The following INPP4B variants were observed in gnomAD, a reference collection of about 807,000 sequenced individuals.
INPP4B encodes inositol polyphosphate-4-phosphatase type II B.
INPP4B carries 55 observed loss-of-function variants against 122.5 expected under a neutral mutation model. The observed-to-expected ratio is 0.45, with a 90% CI of 0.36 to 0.56. INPP4B has a LOEUF of 0.56. Ranked by LOEUF, INPP4B falls within the 20% of genes least tolerant of loss-of-function variation. INPP4B has a pLI of 0.00. For missense variants in INPP4B, 1,000 were observed against 1,097.7 expected, an observed-to-expected ratio of 0.91 and a Z score of 1.26; for synonymous variants, 403 against 388.7, an observed-to-expected ratio of 1.04 and a Z score of -0.43.
intron 15 of INPP4B, among the ~76,000 whole-genome samples, chr4:142,176,633 A>C (rs1040445707): frequency 3.9e-5 from 6 of 152,152 alleles, no homozygotes; most frequent in Non-Finnish European, 7.3e-5. Flanking sequence ...AAATTTTAGC[A>C]GTCACAATAA....
intron 7 of INPP4B, chr4:142,384,103 G>A (rs1795128729): frequency 1.4e-6 from 1 of 701,978 alleles, no homozygotes. Context: ...TCAAATTCTG[G>A]ATGAGTTAGC....
At chr4:142,263,956 T>C (rs941337924) in intron 10 of INPP4B, among the ~76,000 whole-genome samples, 6 of 151,928 alleles carry the variant, frequency 3.9e-5, no homozygotes, top group Non-Finnish European at 8.8e-5. Context: ...GACTGGACTG[T>C]AGTGAGCAAA....
intron 12 of INPP4B, among the ~76,000 whole-genome samples, chr4:142,229,705 G>A (rs1191315800): frequency 6.6e-6 from 1 of 152,154 alleles, no homozygotes; most frequent in African/African-American, 2.4e-5. Flanking sequence ...TGAAGCTAAT[G>A]CATCTCCATG....
chr4:142,032,296 G>T (rs1740746371), intron 25 of INPP4B, among the ~76,000 whole-genome samples: 1 of 152,060 alleles, frequency 6.6e-6, no homozygotes, highest in Non-Finnish European at 1.5e-5. Flanking sequence ...AGGTAGGGAG[G>T]GAAGTGACCT....
At chr4:142,779,641 G>A (rs966946174) in intron 1 of INPP4B, among the ~76,000 whole-genome samples, 1 of 152,056 alleles carries the variant, frequency 6.6e-6, no homozygotes, top group Non-Finnish European at 1.5e-5. Context: ...TAACATAAAA[G>A]GTAGTGGCTA....
chr4:142,330,232 G>A (rs1167668263), intron 7 of INPP4B, among the ~76,000 whole-genome samples: 1 of 152,116 alleles, frequency 6.6e-6, no homozygotes, highest in African/African-American at 2.4e-5. Context: ...AAATAGAAGA[G>A]CCCCTTTAAT....
intron 25 of INPP4B, among the ~76,000 whole-genome samples, chr4:142,076,053 G>A (rs142466702): frequency 4.6e-4 from 70 of 152,110 alleles, no homozygotes; most frequent in African/African-American, 1.6e-3. Flanking sequence ...ACTTGGGAAG[G>A]TGTGGATAAA....
chr4:142,785,120 C>T (rs994769745), intron 1 of INPP4B, among the ~76,000 whole-genome samples: 3 of 151,994 alleles, frequency 2.0e-5, no homozygotes, highest in African/African-American at 7.2e-5. Flanking sequence ...CAGGGAAACT[C>T]GAAGACAACA....
intron 23 of INPP4B, among the ~76,000 whole-genome samples, chr4:142,091,870 G>T (rs1779706000): frequency 6.6e-6 from 1 of 152,118 alleles, no homozygotes; most frequent in African/African-American, 2.4e-5. Flanking sequence ...TAACTGTGTG[G>T]CCAGAAACTG....
chr4:142,241,716 G>A (rs1017504760), intron 11 of INPP4B, among the ~76,000 whole-genome samples: 3 of 152,154 alleles, frequency 2.0e-5, no homozygotes, highest in Admixed American at 1.3e-4. Flanking sequence ...TCATAGGGAT[G>A]GCCTTCTCTT....
intron 7 of INPP4B, among the ~76,000 whole-genome samples, chr4:142,336,123 C>T (rs2646094): frequency 0.67 from 102,718 of 152,194 alleles, 36,818 homozygotes; most frequent in East Asian, 0.84. Context: ...TACCCACTCT[C>T]GGGTTCCCTC....
intron 7 of INPP4B, among the ~76,000 whole-genome samples, chr4:142,323,635 C>T (rs929447317): frequency 2.8e-4 from 42 of 151,874 alleles, no homozygotes; most frequent in African/African-American, 3.6e-4. Flanking sequence ...TTAGTAGAGA[C>T]GGGGTTTCAC....
At chr4:142,338,931 T>C (rs1192590572) in intron 7 of INPP4B, among the ~76,000 whole-genome samples, 1 of 151,952 alleles carries the variant, frequency 6.6e-6, no homozygotes, top group Admixed American at 6.6e-5. Flanking sequence ...ACAGTGTAGG[T>C]CCCAGCAGGA....
At chr4:142,520,790 T>A (rs924677230) in intron 2 of INPP4B, among the ~76,000 whole-genome samples, 5 of 152,006 alleles carry the variant, frequency 3.3e-5, no homozygotes, top group African/African-American at 1.2e-4. Flanking sequence ...CTCCTCAGAT[T>A]ATTTGAAAAT....
At chr4:142,407,663 C>A (rs960257038) in intron 5 of INPP4B, among the ~76,000 whole-genome samples, 28 of 152,000 alleles carry the variant, frequency 1.8e-4, no homozygotes, top group African/African-American at 5.6e-4. Flanking sequence ...GCACTTTTTT[C>A]TTCCTACAGC....
chr4:142,077,606 A>G (rs917436397), intron 25 of INPP4B, among the ~76,000 whole-genome samples: 2 of 151,938 alleles, frequency 1.3e-5, no homozygotes, highest in African/African-American at 4.8e-5. Flanking sequence ...GCTTTCTGCA[A>G]ATGCATTGGG....
At chr4:142,283,236 G>T (rs1233796452) in intron 9 of INPP4B, among the ~76,000 whole-genome samples, 2 of 152,058 alleles carry the variant, frequency 1.3e-5, no homozygotes, top group Non-Finnish European at 2.9e-5. Context: ...GGGTAGCATT[G>T]CAATTTCCTA....
chr4:142,500,542 G>C (rs984659409), intron 2 of INPP4B, among the ~76,000 whole-genome samples: 1 of 152,172 alleles, frequency 6.6e-6, no homozygotes, highest in African/African-American at 2.4e-5. Flanking sequence ...AAAGTAGTGT[G>C]TTCTTTATAA....
intron 3 of INPP4B, among the ~76,000 whole-genome samples, chr4:142,445,162 C>T (rs1418825336): frequency 6.6e-6 from 1 of 151,932 alleles, no homozygotes; most frequent in African/African-American, 2.4e-5. Context: ...GCACATATAT[C>T]CCAGAACTTA....
Sources: allele counts gnomAD v4.1 joint callset (sites outside exome capture counted in the v4.1 genomes callset), GRCh38; gene constraint gnomAD v4.1.1; transcripts MANE v1.5; gene names NCBI Gene and HGNC (gene_info 2026-07-23, HGNC 2026-07-21).